The following ZKSCAN2 variants were observed in gnomAD, a reference collection of about 807,000 sequenced individuals.
ZKSCAN2 encodes the protein zinc finger with KRAB and SCAN domains 2, also known as zinc finger protein with KRAB and SCAN domains 2.
A neutral mutation model predicts 90.5 loss-of-function variants in ZKSCAN2; 38 were observed. The observed-to-expected ratio is 0.42, with a 90% confidence interval of 0.32 to 0.55. The LOEUF (loss-of-function observed/expected upper bound fraction) is 0.55, where lower values mean the gene tolerates loss of function less well. ZKSCAN2 is among the 20% of genes least tolerant of loss of function. ZKSCAN2 has a pLI of 0.11. For synonymous variants in ZKSCAN2, 429 were observed against 421.6 expected (o/e 1.02, Z -0.22); for missense variants, 1,167 against 1,202.6 (o/e 0.97, Z 0.44).
rs138128307 is a variant in ZKSCAN2, at chr16:25,243,836, C to A, written c.1930G>T (p.Val644Leu). ...GGTCCCTGGAACTCTGGCTCTTGCA[C>A]AATTTCCTCCTCGCTCATTCTCTCA... ...CSERMSEEEI[V>L]QEPEFQGPPG... Residue 644 changes from valine to leucine, a missense_variant, in exon 6 of 7, where the codon GTG becomes TTG. Physicochemically the swap from Val to Leu is conservative, Grantham distance 32. Coordinates refer to ENST00000328086, the MANE Select transcript of ZKSCAN2 (RefSeq NM_001012981.5). 2.7e-4 allele frequency: 438 copies of A among 1,614,040 alleles called. 1 individual carries two copies. Among genetic ancestry groups the A allele is most frequent in the Non-Finnish European group, 3.4e-4 (398 of 1,180,026 alleles).
intron 1 of ZKSCAN2, among the ~76,000 whole-genome samples, chr16:25,256,100 T>C (rs1406217732): frequency 6.6e-6 from 1 of 152,232 alleles, no homozygotes; most frequent in Non-Finnish European, 1.5e-5. Context: ...GATAGATCTC[T>C]ACACAATGCA....
In ZKSCAN2 at chr16:25,240,489, C is replaced by T. The variant is rs965912826; in HGVS notation, c.2231G>A (p.Gly744Glu). 3 of 1,613,996 alleles carry T rather than the reference C, an allele frequency of 1.9e-6. No homozygotes were observed. Among genetic ancestry groups the T allele is most frequent in the Non-Finnish European group, 2.5e-6 (3 of 1,180,022 alleles). ...KAVVHQRPFV[G>E]KRPYRLLKYG... ...TTTGAGAAGTCTGTAGGGTCTCTTC[C>T]CCACAAAAGGCCTCTGATGCACAAC... The change falls in exon 7 of 7, where the codon GGG (glycine) becomes GAG (glutamate). Residue 744 changes from glycine to glutamate, a missense_variant. Coordinates refer to ENST00000328086, the MANE Select transcript of ZKSCAN2 (RefSeq NM_001012981.5).
chr16:25,245,942 G>T (rs189255227), intron 5 of ZKSCAN2, among the ~76,000 whole-genome samples: 8 of 152,096 alleles, frequency 5.3e-5, no homozygotes, highest in Admixed American at 4.6e-4. Context: ...CATATTTTAC[G>T]GATGAGAAAA....
chr16:25,240,589 C>T lies in ZKSCAN2; in HGVS notation c.2131G>A (p.Gly711Arg). The change falls in exon 7 of 7, where the codon GGA (glycine) becomes AGA (arginine). Residue 711 changes from glycine to arginine, a missense_variant. Physicochemically the swap from Gly to Arg is moderately radical, Grantham distance 125. Transcript: ENST00000328086. ...CCTTGAAGATTTTCCCATTGTCTTC[C>T]TGAGATGCATTCCCTTTTGCGATAT... Reference protein sequence around the residue: ...SKYRKRECISGRQWENLQGIR... With the variant: ...SKYRKRECISRRQWENLQGIR... 1 of 1,614,190 alleles carries T rather than the reference C, an allele frequency of 6.2e-7. No homozygotes were observed. Among genetic ancestry groups the T allele is most frequent in the Non-Finnish European group, 8.5e-7 (1 of 1,180,034 alleles).
At chr16:25,244,644 G>C (rs1005907607) in intron 5 of ZKSCAN2, among the ~76,000 whole-genome samples, 2 of 152,150 alleles carry the variant, frequency 1.3e-5, no homozygotes, top group African/African-American at 4.8e-5. Context: ...CCATTGCTAT[G>C]GTGATTAACT....
intron 4 of ZKSCAN2, among the ~76,000 whole-genome samples, chr16:25,251,275 C>A (rs555326014): frequency 6.6e-6 from 1 of 152,170 alleles, no homozygotes; most frequent in East Asian, 1.9e-4. Flanking sequence ...TCCTGAGACA[C>A]GTCAAAGATG....
At chr16:25,252,260 AG>A (rs1963032384) in intron 3 of ZKSCAN2, among the ~76,000 whole-genome samples, 1 of 152,238 alleles carries the variant, frequency 6.6e-6, no homozygotes, top group Non-Finnish European at 1.5e-5. Flanking sequence ...CCATCTTTTC[AG>A]GAAAAGGAAT....
At position 25,238,877 on chromosome 16, in the gene ZKSCAN2, T is replaced by C. The variant is rs935061812; in HGVS notation, c.*939A>G. On this transcript the variant is annotated 3_prime_UTR_variant, in exon 7 of 7. Transcript: ENST00000328086. The stretch of plus-strand genomic sequence containing the variant: ...GTGCAGGGGTGGGAGGTACGAAATA[T>C]GCCAACATGCCAGTCATGTTCTAGA... The C allele has an allele frequency of 2.6e-5, 4 of 152,246 alleles. No homozygotes were observed. Among genetic ancestry groups the C allele is most frequent in the Admixed American group, 1.3e-4 (2 of 15,282 alleles). The allele number at this position is 152,246 out of a possible 1,614,324, so 9.4% of individuals were successfully genotyped here.
rs1373321919 is a variant in ZKSCAN2 at position 25,237,725 on chromosome 16, TG to T, written c.*2090del. The T allele has an allele frequency of 6.6e-6, 1 of 152,244 alleles. No homozygotes were observed. Among genetic ancestry groups the T allele is most frequent in the East Asian group, 1.9e-4 (1 of 5,204 alleles). 9.4% of individuals were successfully genotyped at this position (152,244 alleles called of 1,614,324 possible). On this transcript the variant is annotated 3_prime_UTR_variant, in exon 7 of 7. Coordinates refer to ENST00000328086, the MANE Select transcript of ZKSCAN2 (RefSeq NM_001012981.5). ...ACTGTGGCTAGAACATGGCCTTACA[TG>T]TAACAGTGCTTCATATTTATGAATA... is the stretch of plus-strand genomic sequence containing the variant.
intron 5 of ZKSCAN2, among the ~76,000 whole-genome samples, chr16:25,245,327 C>T (rs1962915654): frequency 6.6e-6 from 1 of 152,176 alleles, no homozygotes; most frequent in African/African-American, 2.4e-5. Context: ...TGCTCTCAAA[C>T]TCCTGGCCTC....
intron 6 of ZKSCAN2, among the ~76,000 whole-genome samples, chr16:25,242,332 C>G (rs1036818113): frequency 1.3e-5 from 2 of 152,168 alleles, no homozygotes; most frequent in African/African-American, 4.8e-5. Flanking sequence ...GTTATCAAAG[C>G]CAGGGTTCTA....
chr16:25,240,127 C>T lies in ZKSCAN2; in HGVS notation c.2593G>A (p.Gly865Arg). 2 of 1,613,858 alleles carry T rather than the reference C, an allele frequency of 1.2e-6. No homozygotes were observed. The highest frequency in any genetic ancestry group is 1.1e-5 in the South Asian group (1 of 91,064). The change falls in exon 7 of 7, where the codon GGG (glycine) becomes AGG (arginine). Residue 865 changes from glycine to arginine, a missense_variant. Coordinates refer to ENST00000328086, the MANE Select transcript of ZKSCAN2 (RefSeq NM_001012981.5). ...GEKPYQCGEC[G>R]KSFTNSSHFS... ...TGAGAACTGTTGGTGAAACTTTTCC[C>T]ACACTCTCCACACTGATAGGGCTTC... is the stretch of plus-strand genomic sequence containing the variant.
chr16:25,252,991 G>C lies in ZKSCAN2; in HGVS notation c.633C>G (p.Thr211=). 1 of 1,614,002 alleles carries C rather than the reference G, an allele frequency of 6.2e-7. No individual in the cohort carries two copies. The highest frequency in any genetic ancestry group is 8.5e-7 in the Non-Finnish European group (1 of 1,179,948). The part of the protein sequence containing the change: ...WVPALADEWN[T]LDQEVTTTRL... The stretch of plus-strand genomic sequence containing the variant: ...GTGTGGTTGTCACTTCCTGATCTAG[G>C]GTATTCCATTCATCAGCAAGGGCAG... The change falls in exon 3 of 7, where the codon ACC becomes ACG. Residue 211 remains threonine (T), a synonymous_variant. Coordinates refer to ENST00000328086, the MANE Select transcript of ZKSCAN2 (RefSeq NM_001012981.5).
intron 2 of ZKSCAN2, among the ~76,000 whole-genome samples, chr16:25,254,166 A>G (rs1963061193): frequency 6.6e-6 from 1 of 152,234 alleles, no homozygotes; most frequent in African/African-American, 2.4e-5. Context: ...CTGTGCATTC[A>G]TGCGTCTTTT....
At chr16:25,241,526 C>G (rs1962854264) in intron 6 of ZKSCAN2, among the ~76,000 whole-genome samples, 1 of 152,208 alleles carries the variant, frequency 6.6e-6, no homozygotes, top group Non-Finnish European at 1.5e-5. Flanking sequence ...AACCACTTAC[C>G]TACATTTAAC....
In ZKSCAN2 at chr16:25,239,759, C is replaced by G. The variant is rs1469520518; in HGVS notation, c.*57G>C. The stretch of plus-strand genomic sequence containing the variant: ...TTCATAGCTAAGAAAAGATTGCTTC[C>G]AAGAATGAGATTAGGGTAAAATGGC... On this transcript the variant is annotated 3_prime_UTR_variant, in exon 7 of 7. Transcript: ENST00000328086. The G allele has an allele frequency of 1.1e-5, 16 of 1,431,376 alleles. No individual in the cohort carries two copies. Among genetic ancestry groups the G allele is most frequent in the African/African-American group, 4.3e-5 (3 of 69,772 alleles). 88.7% of individuals were successfully genotyped at this position (1,431,376 alleles called of 1,614,324 possible).
chr16:25,248,176 G>C (rs1173909214), intron 4 of ZKSCAN2, among the ~76,000 whole-genome samples: 2 of 149,842 alleles, frequency 1.3e-5, no homozygotes, highest in African/African-American at 4.9e-5. Context: ...AAAGCTCCTT[G>C]ACACTGGTCT....
rs1963106897 is a variant in ZKSCAN2 at position 25,256,676 on chromosome 16, C to A, written c.399+53G>T. On this transcript the variant is annotated intron_variant, in intron 1 of 6. Transcript: ENST00000328086. ...TCTGCAATACATCCCTGCCCACATG[C>A]CTTTCCCATTCCCTTTTTTCTAAGT... 14 of 1,552,826 alleles carry A rather than the reference C, an allele frequency of 9.0e-6. No individual in the cohort carries two copies. In the South Asian group the frequency reaches 1.6e-4, roughly 18 times the overall value.
At position 25,246,947 on chromosome 16, in the gene ZKSCAN2, C is replaced by T. The variant is rs141132571; in HGVS notation, c.1249G>A (p.Ala417Thr). 31 of 1,613,988 alleles carry T rather than the reference C, an allele frequency of 1.9e-5. No homozygotes were observed. Among genetic ancestry groups the T allele is most frequent in the African/African-American group, 4.0e-5 (3 of 74,884 alleles). The change falls in exon 5 of 7, where the codon GCC (alanine) becomes ACC (threonine). Residue 417 changes from alanine (A) to threonine (T), a missense_variant. Coordinates refer to ENST00000328086, the MANE Select transcript of ZKSCAN2 (RefSeq NM_001012981.5). The part of the protein sequence containing the change: ...VRNGHMLEPC[A>T]FFEDMDALLN... ...AAAGCATCCATGTCCTCAAAGAAGG[C>T]GCAGGGTTCTAGCATGTGGCCATTT...
Sources: gnomAD v4.1 joint callset for allele counts (sites outside exome capture counted in the v4.1 genomes callset) on GRCh38, gnomAD v4.1.1 for gene constraint, MANE v1.5 for transcripts, NCBI Gene and HGNC (gene_info 2026-07-23, HGNC 2026-07-21) for gene names.